KCNT2: variants seen among roughly 807,000 people sequenced by gnomAD.
KCNT2 encodes the protein potassium channel subfamily T member 2.
Under a neutral mutation model 153.8 loss-of-function variants are expected in KCNT2, and 67 were observed. The observed-to-expected ratio is 0.44, with a 90% CI of 0.36 to 0.53. The LOEUF is 0.53. Among genes scored for constraint, KCNT2 ranks in the 20% least tolerant of loss-of-function variants. The probability of loss-of-function intolerance (pLI) is 0.00; values close to 1 mark genes in which losing one functional copy is unlikely to be tolerated. For missense variants in KCNT2, 975 were observed against 1,354.8 expected (o/e 0.72, Z 4.40); for synonymous variants, 500 against 458.8 (o/e 1.09, Z -1.15).
Position 196,340,417 on chromosome 1 carries a change from C to G in KCNT2, c.1707G>C (p.Gln569His), listed in dbSNP as rs758375133. 25 of 1,612,710 alleles carry G rather than the reference C, an allele frequency of 1.6e-5. No individual in the cohort carries two copies. Among genetic ancestry groups the G allele is most frequent in the Non-Finnish European group, 2.1e-5 (25 of 1,179,298 alleles). The change falls in exon 16 of 28, where the codon CAG (glutamine) becomes CAC (histidine). Residue 569 changes from glutamine to histidine, a missense_variant. Transcript: ENST00000294725. ...ACGACCTGGACACATTGCTTTTTCT[C>G]TGCTGGTCTTGGTTTTTAAATGCTG... ...ENSAFKNQDQ[Q>H]RKSNVSRSFY...
chr1:196,379,045 G>A (rs1669225989), intron 13 of KCNT2, among the ~76,000 whole-genome samples: 1 of 151,592 alleles, frequency 6.6e-6, no homozygotes, highest in Non-Finnish European at 1.5e-5. Context: ...CACATTACTA[G>A]GGTTTGTCTG....
At chr1:196,461,190 G>T (rs17698933) in intron 8 of KCNT2, among the ~76,000 whole-genome samples, 2,593 of 151,486 alleles carry the variant, frequency 0.017, 74 homozygotes, top group African/African-American at 0.059. Flanking sequence ...TAGAGTTCAA[G>T]AACTTAAGCA....
chr1:196,315,299 T>G (rs1199944178), intron 21 of KCNT2, among the ~76,000 whole-genome samples: 1 of 151,704 alleles, frequency 6.6e-6, no homozygotes, highest in Non-Finnish European at 1.5e-5. Flanking sequence ...CAGACGAGTT[T>G]GACTTTACTT....
rs1015355622 is a variant in KCNT2, at chr1:196,425,858, C to T, written c.1115G>A (p.Arg372Lys). The T allele has an allele frequency of 6.2e-7, 1 of 1,611,938 alleles. No homozygotes were observed. The highest frequency in any genetic ancestry group is 8.5e-7 in the Non-Finnish European group (1 of 1,178,790). Residue 372 changes from arginine (R) to lysine (K), a missense_variant, in exon 11 of 28, where the codon AGA becomes AAA. This residue lies in a region of KCNT2 where 202 missense variants were observed against 314.9 expected (regional missense o/e 0.64). Coordinates refer to ENST00000294725, the MANE Select transcript of KCNT2 (RefSeq NM_198503.5). ...GSALKDQDLLRAKMDDAEACF... is the reference protein window; with the variant it reads ...GSALKDQDLLKAKMDDAEACF... ...GAAAGGCAGGGATACCTACTTTGCT[C>T]TCAATAGGTCTTGATCTTTAAGGGC... is the stretch of plus-strand genomic sequence containing the variant.
At chr1:196,392,708 T>C (rs895386443) in intron 13 of KCNT2, among the ~76,000 whole-genome samples, 16 of 151,396 alleles carry the variant, frequency 1.1e-4, no homozygotes, top group Non-Finnish European at 2.1e-4. Context: ...GGATGATGGC[T>C]AAGCTGAGCA....
chr1:196,451,477 T>G (rs1676195627), intron 8 of KCNT2, among the ~76,000 whole-genome samples: 1 of 137,138 alleles, frequency 7.3e-6, no homozygotes, highest in South Asian at 2.4e-4. Flanking sequence ...CAGGCTGGTC[T>G]CAAATTCCTG....
Position 196,608,398 on chromosome 1 carries a change from T to C in KCNT2, c.-89A>G, listed in dbSNP as rs144298929. 1.5e-4 allele frequency: 157 copies of C among 1,015,780 alleles called. 2 individuals carry two copies. In the East Asian group the frequency reaches 3.8e-3, roughly 25 times the overall value. The allele number at this position is 1,015,780 out of a possible 1,614,324, so 62.9% of individuals were successfully genotyped here. A position where few individuals can be genotyped will look rare whatever the true frequency, so the allele number is the denominator to read the frequency against. On this transcript the variant is annotated 5_prime_UTR_variant, in exon 1 of 28. Coordinates refer to ENST00000294725, the MANE Select transcript of KCNT2 (RefSeq NM_198503.5). ...ATATTGCGGAGTACAGGGAGAGGAC[T>C]AACAAGACGCTGTGGCCGAGAGAGG...
intron 1 of KCNT2, among the ~76,000 whole-genome samples, chr1:196,592,577 T>C (rs1385078668): frequency 6.8e-6 from 1 of 147,422 alleles, no homozygotes; most frequent in Non-Finnish European, 1.5e-5. Flanking sequence ...GTTATAGTTT[T>C]ATATAGTTAG....
At chr1:196,583,303 G>A (rs991786061) in intron 1 of KCNT2, among the ~76,000 whole-genome samples, 7 of 152,084 alleles carry the variant, frequency 4.6e-5, no homozygotes, top group Non-Finnish European at 8.8e-5. Context: ...CTGGTTGCAT[G>A]TTGGTACCAT....
intron 1 of KCNT2, among the ~76,000 whole-genome samples, chr1:196,562,731 T>C (rs911105672): frequency 1.3e-5 from 2 of 151,720 alleles, no homozygotes; most frequent in African/African-American, 2.4e-5. Context: ...CCTGAATTGC[T>C]AATTACTCCC....
chr1:196,360,293 T>C (rs938562018), intron 14 of KCNT2, among the ~76,000 whole-genome samples: 10 of 152,030 alleles, frequency 6.6e-5, no homozygotes, highest in Non-Finnish European at 1.5e-4. Context: ...TTTGTTCTTG[T>C]TTGTTTGTTG....
chr1:196,311,801 C>T (rs528027982), intron 21 of KCNT2, among the ~76,000 whole-genome samples: 12 of 151,560 alleles, frequency 7.9e-5, no homozygotes, highest in African/African-American at 2.9e-4. Flanking sequence ...ATGTTTATTT[C>T]TTTCTCAGTA....
At chr1:196,244,364 G>T (rs1025940328) in intron 26 of KCNT2, among the ~76,000 whole-genome samples, 7 of 152,082 alleles carry the variant, frequency 4.6e-5, no homozygotes, top group African/African-American at 1.7e-4. Context: ...TACCAGCTTG[G>T]TCACAGTGGT....
At position 196,298,808 on chromosome 1, in the gene KCNT2, G is replaced by A. The variant is rs1660910518; in HGVS notation, c.2595+6426C>T. Among the ~76,000 whole-genome samples the A allele has an allele frequency of 3.4e-5, 5 of 146,010 alleles. No homozygotes were observed. In the Admixed American group the frequency reaches 3.5e-4, roughly 10 times the overall value. ...CCTTTGTTACCATAGCATCTAGTATGGTTGGAAAGTATGAATAACAAAAGA... is the reference window on the plus strand; with the variant it reads ...CCTTTGTTACCATAGCATCTAGTATAGTTGGAAAGTATGAATAACAAAAGA... On this transcript the variant is annotated intron_variant, in intron 22 of 27. Transcript: ENST00000294725.
chr1:196,587,168 C>T (rs1046599282), intron 1 of KCNT2, among the ~76,000 whole-genome samples: 4 of 151,954 alleles, frequency 2.6e-5, no homozygotes, highest in African/African-American at 9.7e-5. Context: ...CCTAAAAAAT[C>T]GAATAACAAC....
intron 24 of KCNT2, 115 bp from the exon 25 acceptor site, chr1:196,281,103 C>T: frequency 1.3e-6 from 1 of 766,850 alleles, no homozygotes; most frequent in Non-Finnish European, 2.1e-6. Context: ...CACTCTGTCA[C>T]CCAGGCTACA....
chr1:196,243,112 GA>G (rs1655105109), intron 26 of KCNT2, among the ~76,000 whole-genome samples: 1 of 152,124 alleles, frequency 6.6e-6, no homozygotes, highest in Non-Finnish European at 1.5e-5. Context: ...CTGATTTCAA[GA>G]AGCAGTTTTC....
intron 1 of KCNT2, among the ~76,000 whole-genome samples, chr1:196,509,622 CTG>C (rs1330048959): frequency 4.6e-5 from 7 of 152,120 alleles, no homozygotes; most frequent in African/African-American, 1.7e-4. Context: ...GAAATTATTT[CTG>C]TGAGGAAGAC....
At chr1:196,409,050 G>A (rs1672071477) in intron 12 of KCNT2, among the ~76,000 whole-genome samples, 2 of 148,898 alleles carry the variant, frequency 1.3e-5, no homozygotes, top group African/African-American at 2.5e-5. Flanking sequence ...TTTTTTATAT[G>A]AAGCACACAC....
Sources: allele counts gnomAD v4.1 joint callset (sites outside exome capture counted in the v4.1 genomes callset), GRCh38; gene constraint gnomAD v4.1.1; regional missense constraint gnomAD v4.1.1; transcripts MANE v1.5; gene names NCBI Gene and HGNC (gene_info 2026-07-23, HGNC 2026-07-21).